CDYL: variants seen among roughly 807,000 people sequenced by gnomAD.
CDYL encodes chromodomain Y like.
Under a neutral mutation model 47.3 loss-of-function variants are expected in CDYL, and 8 were observed. The observed-to-expected ratio is 0.17, with a 90% CI of 0.10 to 0.31. The LOEUF (loss-of-function observed/expected upper bound fraction) is 0.31. CDYL is among the 10% of genes least tolerant of loss of function. The pLI, the probability that CDYL is intolerant of heterozygous loss-of-function variation, is 1.00. For missense variants in CDYL, 471 were observed against 701.4 expected (o/e 0.67, Z 3.71); for synonymous variants, 266 against 265.0 (o/e 1.00, Z -0.04).
At chr6:4,726,450 T>G (rs1257321700) in intron 2 of CDYL, among the ~76,000 whole-genome samples, 2 of 150,450 alleles carry the variant, frequency 1.3e-5, no homozygotes, top group African/African-American at 4.9e-5. Flanking sequence ...GAGAATTGCT[T>G]GAACCTGGGA....
At chr6:4,744,045 C>A (rs540759071) in intron 3 of CDYL, among the ~76,000 whole-genome samples, 54 of 152,034 alleles carry the variant, frequency 3.6e-4, no homozygotes, top group African/African-American at 1.3e-3. Flanking sequence ...ATGATAATGT[C>A]GACTAATTCC....
At chr6:4,907,995 A>G (rs1447609548) in intron 2 of CDYL, among the ~76,000 whole-genome samples, 1 of 152,152 alleles carries the variant, frequency 6.6e-6, no homozygotes, top group African/African-American at 2.4e-5. Context: ...CTTGGTGCCC[A>G]TAAGGAAAGA....
intron 3 of CDYL, among the ~76,000 whole-genome samples, chr6:4,770,843 C>T (rs886933176): frequency 3.3e-5 from 5 of 152,258 alleles, no homozygotes; most frequent in East Asian, 1.9e-4. Context: ...TAACAATCCA[C>T]CTTTGCAGGG....
rs778140923 is a variant in CDYL at position 4,715,763 on chromosome 6, C to A, written c.-16C>A. 1.9e-6 allele frequency: 3 copies of A among 1,613,632 alleles called. No homozygotes were observed. The South Asian group carries it at 3.3e-5, about 18-fold the overall frequency. ...CAGGTGGTCATCAGAGAACACAGAGCCCCCGGAAGAATTTTATGACATTTC... is the reference window on the plus strand; with the variant it reads ...CAGGTGGTCATCAGAGAACACAGAGACCCCGGAAGAATTTTATGACATTTC... On this transcript the variant is annotated 5_prime_UTR_variant, in exon 2 of 9. Coordinates refer to the CDYL transcript ENST00000328908.
chr6:4,823,798 A>G (rs185203726), intron 1 of CDYL, among the ~76,000 whole-genome samples: 4 of 152,266 alleles, frequency 2.6e-5, no homozygotes, highest in South Asian at 2.1e-4. Flanking sequence ...ATTAATCACA[A>G]TGTTATATTT....
chr6:4,808,858 T>G (rs1759444442), intron 1 of CDYL, among the ~76,000 whole-genome samples: 1 of 152,208 alleles, frequency 6.6e-6, no homozygotes, highest in Non-Finnish European at 1.5e-5. Flanking sequence ...CATTTGTAAT[T>G]GAGTTAGATT....
At chr6:4,783,237 G>C (rs1758663993) in intron 1 of CDYL, among the ~76,000 whole-genome samples, 1 of 149,832 alleles carries the variant, frequency 6.7e-6, no homozygotes, top group Non-Finnish European at 1.5e-5. Context: ...ACTATGGATG[G>C]AAAAGTTTCT....
Position 4,853,400 on chromosome 6 carries a change from C to T in CDYL, c.25-38313C>T, listed in dbSNP as rs1760910492. Among the ~76,000 whole-genome samples, 3 of 152,186 alleles carry T rather than the reference C, an allele frequency of 2.0e-5. No individual in the cohort carries two copies. The South Asian group carries it at 6.2e-4, about 32-fold the overall frequency. Reference sequence around the variant, plus strand: ...CTAAGCTGCTAGATGGCAGAGCCTGCATCTGAATCCAGGACTTCCAACTGC... The same window carrying T: ...CTAAGCTGCTAGATGGCAGAGCCTGTATCTGAATCCAGGACTTCCAACTGC... On this transcript the variant is annotated intron_variant, in intron 1 of 6. Transcript: ENST00000397588.
intron 1 of CDYL, among the ~76,000 whole-genome samples, chr6:4,794,769 T>C (rs553626967): frequency 2.6e-5 from 4 of 152,050 alleles, no homozygotes; most frequent in Non-Finnish European, 5.9e-5. Flanking sequence ...TCCTAGAAAC[T>C]AGAGTTTTTG....
At chr6:4,829,893 A>G (rs11967447) in intron 1 of CDYL, among the ~76,000 whole-genome samples, 3,823 of 152,366 alleles carry the variant, frequency 0.025, 170 homozygotes, top group African/African-American at 0.087. Context: ...AGGGAGGCAC[A>G]GCAAGTACAA....
intron 2 of CDYL, among the ~76,000 whole-genome samples, chr6:4,894,834 C>CGCGTGTGT (rs1554105537): frequency 6.9e-6 from 1 of 145,348 alleles, no homozygotes; most frequent in African/African-American, 2.6e-5. Flanking sequence ...CCACAAAAGT[C>CGCGTGTGT]GTGTGTGTGT....
intron 1 of CDYL, among the ~76,000 whole-genome samples, chr6:4,826,843 T>C (rs569012099): frequency 1.3e-5 from 2 of 152,234 alleles, no homozygotes; most frequent in Non-Finnish European, 2.9e-5. Flanking sequence ...AGTTGGTTTA[T>C]AGTGTTGTGC....
chr6:4,932,921 G>A (rs1758073729), intron 2 of CDYL, among the ~76,000 whole-genome samples: 1 of 152,096 alleles, frequency 6.6e-6, no homozygotes, highest in African/African-American at 2.4e-5. Context: ...CTGTGGTCTG[G>A]CTTCCACTCT....
intron 1 of CDYL, among the ~76,000 whole-genome samples, chr6:4,802,907 C>T (rs1759266387): frequency 6.6e-6 from 1 of 152,112 alleles, no homozygotes; most frequent in African/African-American, 2.4e-5. Context: ...GACAGTGTGG[C>T]CTGGTACCTT....
chr6:4,852,455 C>G (rs1760868255), intron 1 of CDYL, among the ~76,000 whole-genome samples: 1 of 132,088 alleles, frequency 7.6e-6, no homozygotes, highest in Admixed American at 7.7e-5. Context: ...TTCCAATCTT[C>G]CTTCCTTCCT....
chr6:4,794,029 G>A (rs1759002563), intron 1 of CDYL, among the ~76,000 whole-genome samples: 1 of 152,102 alleles, frequency 6.6e-6, no homozygotes, highest in Non-Finnish European at 1.5e-5. Flanking sequence ...GAACTACACA[G>A]GATTATAGTT....
intron 4 of CDYL, among the ~76,000 whole-genome samples, chr6:4,939,930 G>A (rs1561720691): frequency 6.6e-6 from 1 of 152,184 alleles, no homozygotes. Context: ...TCTGGGTCCT[G>A]GCTCCGTTTT....
chr6:4,825,338 T>A (rs1759951458), intron 1 of CDYL, among the ~76,000 whole-genome samples: 2 of 152,218 alleles, frequency 1.3e-5, no homozygotes, highest in Non-Finnish European at 2.9e-5. Flanking sequence ...ATATATAGGA[T>A]CGTGTCCTAT....
intron 2 of CDYL, among the ~76,000 whole-genome samples, chr6:4,925,528 G>C (rs1757845675): frequency 1.4e-5 from 2 of 146,584 alleles, no homozygotes; most frequent in African/African-American, 5.0e-5. Context: ...CCATTCTCCT[G>C]CCTCAGCCTC....
Sources: gnomAD v4.1 joint callset for allele counts (sites outside exome capture counted in the v4.1 genomes callset) on GRCh38, gnomAD v4.1.1 for gene constraint, MANE v1.5 for transcripts, NCBI Gene and HGNC (gene_info 2026-07-23, HGNC 2026-07-21) for gene names.